The following SEC14L1 variants were observed in gnomAD, a reference collection of about 807,000 sequenced individuals.
SEC14L1 encodes the protein SEC14-like protein 1.
SEC14L1 carries 48 observed loss-of-function variants against 85.3 expected under a neutral mutation model. That is an observed-to-expected ratio of 0.56 (90% CI 0.45 to 0.72). SEC14L1 has a LOEUF of 0.72. Among genes scored for constraint, SEC14L1 ranks in the 30% least tolerant of loss-of-function variants. The pLI is 0.00. For missense variants in SEC14L1, 682 were observed against 921.4 expected (o/e 0.74, Z 3.36); for synonymous variants, 391 against 355.5 (o/e 1.10, Z -1.12).
chr17:77,179,735 C>T (rs146224106), intron 3 of SEC14L1, among the ~76,000 whole-genome samples: 1,837 of 151,962 alleles, frequency 0.012, 22 homozygotes, highest in South Asian at 0.046. Flanking sequence ...AGTGCAGTGG[C>T]GCGATCTCGG....
At chr17:77,123,476 A>G (rs1163393583) in intron 3 of SEC14L1, among the ~76,000 whole-genome samples, 1 of 130,370 alleles carries the variant, frequency 7.7e-6, no homozygotes, top group Non-Finnish European at 1.6e-5. Context: ...CGGTGGCGAG[A>G]TCTTGGCTCG....
chr17:77,178,110 G>A (rs560291051), intron 3 of SEC14L1, among the ~76,000 whole-genome samples: 1 of 123,938 alleles, frequency 8.1e-6, no homozygotes, highest in African/African-American at 3.0e-5. Context: ...CTTGTTTCTA[G>A]GACCCAAAGG....
At chr17:77,138,971 T>C (rs989438819), upstream of SEC14L1, among the ~76,000 whole-genome samples, 3 of 152,204 alleles carry the variant, frequency 2.0e-5, no homozygotes, top group Admixed American at 1.3e-4. Context: ...CCCAATCTCT[T>C]TTAATCTATA....
intron 3 of SEC14L1, among the ~76,000 whole-genome samples, chr17:77,111,939 G>C (rs561546568): frequency 1.2e-4 from 18 of 152,156 alleles, no homozygotes; most frequent in Non-Finnish European, 1.9e-4. Context: ...GCCAGGGGCA[G>C]AATGATACAG....
chr17:77,188,267 T>A (rs1975360620), intron 3 of SEC14L1, among the ~76,000 whole-genome samples: 1 of 152,200 alleles, frequency 6.6e-6, no homozygotes, highest in Non-Finnish European at 1.5e-5. Flanking sequence ...ATCTCTCTCA[T>A]GGCCCTTTTA....
chr17:77,125,810 C>A (rs1382437835), intron 3 of SEC14L1, among the ~76,000 whole-genome samples: 1 of 152,130 alleles, frequency 6.6e-6, no homozygotes, highest in African/African-American at 2.4e-5. Context: ...AATCTTGAAA[C>A]TGGTGACCTG....
At chr17:77,184,611 C>G (rs1184460888) in intron 3 of SEC14L1, among the ~76,000 whole-genome samples, 14 of 152,216 alleles carry the variant, frequency 9.2e-5, no homozygotes, top group Admixed American at 9.2e-4. Flanking sequence ...TGAGCACTCC[C>G]TTGCCTCCTG....
upstream of SEC14L1, among the ~76,000 whole-genome samples, chr17:77,140,345 C>A (rs1567888014): frequency 2.0e-5 from 3 of 152,230 alleles, no homozygotes; most frequent in Non-Finnish European, 2.9e-5. Flanking sequence ...CTGGGCTCCA[C>A]CCGGGCTCAC....
intron 3 of SEC14L1, among the ~76,000 whole-genome samples, chr17:77,175,173 A>G (rs1022436550): frequency 6.6e-6 from 1 of 152,238 alleles, no homozygotes; most frequent in Non-Finnish European, 1.5e-5. Context: ...GACGTTACAC[A>G]GTTAAACCCT....
intron 3 of SEC14L1, among the ~76,000 whole-genome samples, chr17:77,161,579 T>TA (rs1463750721): frequency 3.9e-5 from 6 of 152,184 alleles, no homozygotes; most frequent in Admixed American, 3.9e-4. Context: ...TGGTCAACAT[T>TA]AAAGGTTCAA....
chr17:77,101,717 G>A lies in SEC14L1; in HGVS notation c.-136+8370G>A, dbSNP rs139235527. On this transcript the variant is annotated intron_variant, in intron 3 of 19. Coordinates refer to the SEC14L1 transcript ENST00000392476. ...TTCTCACAAGCTCCCAGGCCATGCT[G>A]ATACTGCTGGTCTGAGGACCACTCG... 1.2e-4 allele frequency among the ~76,000 whole-genome samples: 19 copies of A among 152,330 alleles called. No individual in the cohort carries two copies. In the East Asian group the frequency reaches 3.7e-3, roughly 29 times the overall value.
chr17:77,206,222 C>T lies in SEC14L1; in HGVS notation c.1170-7C>T. 1 of 1,613,162 alleles carries T rather than the reference C, an allele frequency of 6.2e-7. No homozygotes were observed. The highest frequency in any genetic ancestry group is 8.5e-7 in the Non-Finnish European group (1 of 1,179,266). On this transcript the variant is annotated splice_polypyrimidine_tract_variant and splice_region_variant and intron_variant, in intron 11 of 16. Coordinates refer to ENST00000436233, the MANE Select transcript of SEC14L1 (RefSeq NM_001143998.2). This position sits in a 1 kb window ranked among gnomAD's most constrained non-coding sequence, Gnocchi z 4.3. ...TTGAATGAAACACATCTCTGCACAA[C>T]CTGCAGCTCATGGACCTGCCTGGTG...
chr17:77,204,228 G>GT (rs1266610769), intron 10 of SEC14L1, among the ~76,000 whole-genome samples: 3 of 151,952 alleles, frequency 2.0e-5, no homozygotes, highest in African/African-American at 7.3e-5. Context: ...TTTTTATTAT[G>GT]TTTTTTGAGA....
intron 3 of SEC14L1, among the ~76,000 whole-genome samples, chr17:77,133,772 C>G (rs1410803831): frequency 6.6e-6 from 1 of 151,882 alleles, no homozygotes; most frequent in Non-Finnish European, 1.5e-5. Context: ...AACCCCGTCT[C>G]TACTAAAAAT....
chr17:77,213,525 G>A lies in SEC14L1; in HGVS notation c.2042+33G>A, dbSNP rs949189552. 2 of 1,600,828 alleles carry A rather than the reference G, an allele frequency of 1.2e-6. No homozygotes were observed. Among genetic ancestry groups the A allele is most frequent in the Non-Finnish European group, 1.7e-6 (2 of 1,179,516 alleles). On this transcript the variant is annotated intron_variant, in intron 16 of 16. Coordinates refer to ENST00000436233, the MANE Select transcript of SEC14L1 (RefSeq NM_001143998.2). The surrounding 1 kb of genome is among the most constrained non-coding windows in gnomAD (Gnocchi z 7.1). Reference sequence around the variant, plus strand: ...CACCCTCGCCACAGCAGGTGCTGCGGACAGCTGGGCATGGTTGGAGGGAGC... The same window carrying A: ...CACCCTCGCCACAGCAGGTGCTGCGAACAGCTGGGCATGGTTGGAGGGAGC...
chr17:77,202,101 C>T (rs1353632598), intron 9 of SEC14L1, among the ~76,000 whole-genome samples: 1 of 152,154 alleles, frequency 6.6e-6, no homozygotes, highest in Non-Finnish European at 1.5e-5. Context: ...AGCTCTTTTT[C>T]CCCTTTGTGT....
rs1976963048 is a variant in SEC14L1 at position 77,214,881 on chromosome 17, T to C, written c.*858T>C. The stretch of plus-strand genomic sequence containing the variant: ...TGTGCCCTCTGGTGGCTCATTGTCC[T>C]CAGAGCCCAGACAGTTCCAGCCACT... On this transcript the variant is annotated 3_prime_UTR_variant, in exon 17 of 17. Coordinates refer to ENST00000436233, the MANE Select transcript of SEC14L1 (RefSeq NM_001143998.2). The C allele has an allele frequency of 8.1e-6, 8 of 985,416 alleles. No individual in the cohort carries two copies. Among genetic ancestry groups the C allele is most frequent in the Non-Finnish European group, 8.4e-6 (7 of 829,962 alleles). 61.0% of individuals were successfully genotyped at this position (985,416 alleles called of 1,614,324 possible).
intron 3 of SEC14L1, among the ~76,000 whole-genome samples, chr17:77,145,921 C>G (rs1041652912): frequency 6.6e-6 from 1 of 152,212 alleles, no homozygotes; most frequent in Admixed American, 6.5e-5. Flanking sequence ...GGCTTCAGCT[C>G]GAGGACGTGC....
intron 15 of SEC14L1, among the ~76,000 whole-genome samples, chr17:77,212,459 C>T (rs1325487400): frequency 1.3e-5 from 2 of 152,154 alleles, no homozygotes; most frequent in Non-Finnish European, 2.9e-5. Flanking sequence ...AGGCATCGCA[C>T]GCACGGGCCC....
Sources: gnomAD v4.1 joint callset for allele counts (sites outside exome capture counted in the v4.1 genomes callset) on GRCh38, gnomAD v4.1.1 for gene constraint, Gnocchi (gnomAD v3.1) non-coding constraint, MANE v1.5 for transcripts, NCBI Gene and HGNC (gene_info 2026-07-23, HGNC 2026-07-21) for gene names.